The following PPT1 variants were observed in gnomAD, a reference collection of about 807,000 sequenced individuals.
PPT1 encodes the protein ceroid-palmitoyl-palmitoyl-protein thioesterase 1.
In PPT1, 24 loss-of-function variants were observed where a neutral mutation model predicts 44.0. That is an observed-to-expected ratio of 0.54 (90% confidence interval 0.39 to 0.77). The LOEUF (loss-of-function observed/expected upper bound fraction) is 0.77. PPT1 is among the 30% of genes least tolerant of loss of function. PPT1 has a pLI of 0.00. For missense variants in PPT1, 341 were observed against 378.8 expected, an observed-to-expected ratio of 0.90 and a Z score of 0.83; for synonymous variants, 148 against 140.2, an observed-to-expected ratio of 1.06 and a Z score of -0.39.
intron 3 of PPT1, among the ~76,000 whole-genome samples, chr1:40,091,730 T>C (rs1649572397): frequency 6.6e-6 from 1 of 151,912 alleles, no homozygotes; most frequent in Admixed American, 6.6e-5. Flanking sequence ...CTAGGTGTGG[T>C]GGTGAGCACC....
chr1:40,077,601 G>A (rs1336087833), intron 7 of PPT1, among the ~76,000 whole-genome samples: 1 of 152,182 alleles, frequency 6.6e-6, no homozygotes, highest in Non-Finnish European at 1.5e-5. Context: ...GTAGCAGGAT[G>A]GACTGGGCCT....
intron 5 of PPT1, among the ~76,000 whole-genome samples, chr1:40,088,539 C>T (rs1056000975): frequency 1.3e-5 from 2 of 152,148 alleles, no homozygotes; most frequent in African/African-American, 4.8e-5. Flanking sequence ...TGAACAAGCA[C>T]ATACTACAAA....
chr1:40,078,355 A>C (rs1171834297), intron 7 of PPT1, among the ~76,000 whole-genome samples: 1 of 152,096 alleles, frequency 6.6e-6, no homozygotes, highest in East Asian at 1.9e-4. Context: ...CTGTCACCAT[A>C]CCCGGCTAAT....
chr1:40,091,199 A>G, intron 4 of PPT1, 130 bp downstream of exon 4: 1 of 964,288 alleles, frequency 1.0e-6, no homozygotes, highest in South Asian at 1.4e-5. Flanking sequence ...TAGTTTGTTA[A>G]AAGCTAGAGA....
rs561601288 is a variant in PPT1 at position 40,088,167 on chromosome 1, G to A, written c.536+1243C>T. 1.9e-3 allele frequency among the ~76,000 whole-genome samples: 273 copies of A among 147,228 alleles called. 2 individuals carry two copies. Among genetic ancestry groups the A allele is most frequent in the Non-Finnish European group, 2.9e-3 (193 of 67,236 alleles). ...ACTTTTTTTTTTTTTTTTTTGAGAC[G>A]GAGTCTCCCTCTGTTGCCTAGGCTA... On this transcript the variant is annotated intron_variant, in intron 5 of 8. Transcript: ENST00000642050.
intron 1 of PPT1, among the ~76,000 whole-genome samples, chr1:40,094,220 C>T (rs1221647295): frequency 6.6e-6 from 1 of 152,174 alleles, no homozygotes; most frequent in Non-Finnish European, 1.5e-5. Context: ...CTTTTTGGCA[C>T]CAGGGACCAG....
chr1:40,080,791 T>C (rs1230892961), intron 5 of PPT1, among the ~76,000 whole-genome samples: 1 of 152,092 alleles, frequency 6.6e-6, no homozygotes, highest in Non-Finnish European at 1.5e-5. Context: ...GGAGAACTGC[T>C]AGAACCCCGG....
At chr1:40,078,964 G>A in intron 6 of PPT1, 2 of 381,588 alleles carry the variant, frequency 5.2e-6, no homozygotes, top group South Asian at 4.2e-5. Context: ...TGAACACAGT[G>A]CCCAACAGGA....
In PPT1 at chr1:40,075,492, T is replaced by TTC. The variant is rs1648570215; in HGVS notation, c.799-1310_799-1309insGA. Among the ~76,000 whole-genome samples, 3 of 151,242 alleles carry TTC rather than the reference T, an allele frequency of 2.0e-5. No individual in the cohort carries two copies. The East Asian group carries it at 5.8e-4, about 29-fold the overall frequency. On this transcript the variant is annotated intron_variant, in intron 8 of 8. Transcript: ENST00000642050. ...TTTCTCAAGCCTTTTTTTTTTTTTT[T>TTC]CTCAAATCAGATTCTAGCTTCCCTT...
Position 40,072,729 on chromosome 1 carries a change from T to C in PPT1, c.*1332A>G, listed in dbSNP as rs576410276. 1 of 152,606 alleles carries C rather than the reference T, an allele frequency of 6.6e-6. No individual in the cohort carries two copies. Among genetic ancestry groups the C allele is most frequent in the South Asian group, 2.1e-4 (1 of 4,826 alleles). 9.5% of individuals were successfully genotyped at this position (152,606 alleles called of 1,614,324 possible). ...ACCAAGGATAAGAAACTACTCTTTATTTTAGACAACCTCATAAAATTATTT... is the reference window on the plus strand; with the variant it reads ...ACCAAGGATAAGAAACTACTCTTTACTTTAGACAACCTCATAAAATTATTT... On this transcript the variant is annotated 3_prime_UTR_variant, in exon 9 of 9. Coordinates refer to ENST00000642050, the MANE Select transcript of PPT1 (RefSeq NM_000310.4).
intron 8 of PPT1, among the ~76,000 whole-genome samples, chr1:40,074,861 A>C (rs1172350930): frequency 2.0e-5 from 3 of 152,232 alleles, no homozygotes; most frequent in Non-Finnish European, 4.4e-5. Flanking sequence ...GAGTCAGAGG[A>C]CTACCTATAG....
rs587780425 is a variant in PPT1 at position 40,092,403 on chromosome 1, T to C, written c.229A>G (p.Met77Val). The C allele has an allele frequency of 1.9e-6, 3 of 1,606,638 alleles. No homozygotes were observed. Among genetic ancestry groups the C allele is most frequent in the Non-Finnish European group, 2.6e-6 (3 of 1,173,228 alleles). ...VLSLEIGKTL[M>V]EDVENSFFLN... ...ACAGCTGTGAAGCGCCTTACCTCCA[T>C]CAGGGTCTTCCCAATCTCTAAAGAT... Residue 77 changes from methionine (M) to valine (V), a missense_variant, in exon 2 of 9, where the codon ATG becomes GTG. Coordinates refer to ENST00000642050, the MANE Select transcript of PPT1 (RefSeq NM_000310.4).
intron 5 of PPT1, among the ~76,000 whole-genome samples, chr1:40,082,603 C>G (rs2124476916): frequency 6.6e-6 from 1 of 152,268 alleles, no homozygotes; most frequent in South Asian, 2.1e-4. Context: ...TCCTAACTCT[C>G]TTCAATTCAA....
chr1:40,073,126 C>G lies in PPT1; in HGVS notation c.*935G>C, dbSNP rs142579539. 6.6e-6 allele frequency: 1 copy of G among 152,304 alleles called. No homozygotes were observed. The highest frequency in any genetic ancestry group is 1.9e-4 in the East Asian group (1 of 5,188). 9.4% of individuals were successfully genotyped at this position (152,304 alleles called of 1,614,324 possible). ...CTTTTTGAGCAAACAATCCTTTTCTCATGGAACACATCAGAAACAGTTTGG... is the reference window on the plus strand; with the variant it reads ...CTTTTTGAGCAAACAATCCTTTTCTGATGGAACACATCAGAAACAGTTTGG... On this transcript the variant is annotated 3_prime_UTR_variant, in exon 9 of 9. Coordinates refer to ENST00000642050, the MANE Select transcript of PPT1 (RefSeq NM_000310.4).
chr1:40,088,177 T>C (rs921958429), intron 5 of PPT1, among the ~76,000 whole-genome samples: 1 of 145,650 alleles, frequency 6.9e-6, no homozygotes, highest in East Asian at 2.0e-4. Context: ...GGAGTCTCCC[T>C]CTGTTGCCTA....
At chr1:40,093,485 C>T (rs1557714833) in intron 1 of PPT1, among the ~76,000 whole-genome samples, 2 of 152,130 alleles carry the variant, frequency 1.3e-5, no homozygotes, top group Non-Finnish European at 2.9e-5. Context: ...CTGAATCGTA[C>T]CATTTTAAAT....
In PPT1 at chr1:40,078,659, C is replaced by A. The variant is rs386833659; in HGVS notation, c.628-1G>T. 1.9e-6 allele frequency: 3 copies of A among 1,612,482 alleles called. No individual in the cohort carries two copies. The highest frequency in any genetic ancestry group is 2.5e-6 in the Non-Finnish European group (3 of 1,178,842). On this transcript the variant is annotated splice_acceptor_variant, in intron 6 of 8. Coordinates refer to ENST00000642050, the MANE Select transcript of PPT1 (RefSeq NM_000310.4). LOFTEE classifies it high-confidence loss of function. ...TTTTCTTGTAGGACTCATTGATACC[C>A]TGAAAGAAAGGCCAGCAACACCTAA... is the stretch of plus-strand genomic sequence containing the variant.
rs1201454594 is a variant in PPT1 at position 40,074,067 on chromosome 1, A to G, written c.915T>C (p.Leu305=). 6.2e-7 allele frequency: 1 copy of G among 1,614,168 alleles called. No homozygotes were observed. Among genetic ancestry groups the G allele is most frequent in the South Asian group, 1.1e-5 (1 of 91,084 alleles). ...EWFYAHIIPF[L]G is the part of the protein sequence containing the mutation. ...ATTGTGAACTATACGGGTTTCATCCAAGGAATGGTATGATGTGGGCATAAA... is the reference window on the plus strand; with the variant it reads ...ATTGTGAACTATACGGGTTTCATCCGAGGAATGGTATGATGTGGGCATAAA... Residue 305 remains leucine (L), a synonymous_variant, in exon 9 of 9, where the codon CTT becomes CTC. Coordinates refer to ENST00000642050, the MANE Select transcript of PPT1 (RefSeq NM_000310.4).
chr1:40,081,459 C>G (rs893237960), intron 5 of PPT1, among the ~76,000 whole-genome samples: 1 of 152,036 alleles, frequency 6.6e-6, no homozygotes, highest in African/African-American at 2.4e-5. Flanking sequence ...ATCGCTTGAA[C>G]CTGGGAAGCT....
Sources: allele counts gnomAD v4.1 joint callset (sites outside exome capture counted in the v4.1 genomes callset), GRCh38; gene constraint gnomAD v4.1.1; transcripts MANE v1.5; gene names NCBI Gene and HGNC (gene_info 2026-07-23, HGNC 2026-07-21).